The following ABCB5 variants were observed in gnomAD, a reference collection of about 807,000 sequenced individuals.
The protein encoded by ABCB5 is ATP binding cassette subfamily B member 5.
Under a neutral mutation model 144.2 loss-of-function variants are expected in ABCB5, and 155 were observed. The ratio of observed to expected loss-of-function variants is 1.08; its 90% CI spans 0.94 to 1.23. ABCB5 has a LOEUF of 1.23. Ranked by LOEUF, ABCB5 falls within the 50% of genes most tolerant of loss-of-function variation. The probability of loss-of-function intolerance (pLI) is 0.00; values close to 1 mark genes in which losing one functional copy is unlikely to be tolerated. For synonymous variants in ABCB5, 610 were observed against 528.6 expected, an observed-to-expected ratio of 1.15 and a Z score of -2.11; for missense variants, 1,830 against 1,520.8, an observed-to-expected ratio of 1.20 and a Z score of -3.38.
intron 13 of ABCB5, among the ~76,000 whole-genome samples, chr7:20,654,192 TTTTG>T (rs932185216): frequency 1.3e-5 from 2 of 152,284 alleles, no homozygotes; most frequent in East Asian, 1.9e-4. Flanking sequence ...TTTTTTTTGT[TTTTG>T]TTTTTGTTTT....
intron 23 of ABCB5, among the ~76,000 whole-genome samples, chr7:20,736,911 C>T (rs186490982): frequency 1.7e-4 from 26 of 152,200 alleles, no homozygotes; most frequent in Admixed American, 1.2e-3. Context: ...GTCCCTAGGC[C>T]GGGCGCAGTG....
chr7:20,736,365 G>C (rs1782379308), intron 23 of ABCB5, among the ~76,000 whole-genome samples: 1 of 152,038 alleles, frequency 6.6e-6, no homozygotes, highest in Non-Finnish European at 1.5e-5. Flanking sequence ...TTACAGGTGT[G>C]TGCCAACACA....
At chr7:20,632,302 G>C (rs186557689) in intron 5 of ABCB5, among the ~76,000 whole-genome samples, 189 bp downstream of exon 5, 1 of 151,984 alleles carries the variant, frequency 6.6e-6, no homozygotes, top group Non-Finnish European at 1.5e-5. Flanking sequence ...CTACTTGAAA[G>C]GTGTATAGGT....
At chr7:20,660,349 T>C in intron 14 of ABCB5, 2 of 985,496 alleles carry the variant, frequency 2.0e-6, no homozygotes, top group East Asian at 1.1e-4. Context: ...CTGTCCCTGT[T>C]TTTCAGTTGT....
chr7:20,753,120 G>A (rs1782983235), intron 26 of ABCB5, among the ~76,000 whole-genome samples: 2 of 152,124 alleles, frequency 1.3e-5, no homozygotes, highest in Non-Finnish European at 2.9e-5. Flanking sequence ...ATTTCTTTGT[G>A]GAAGCATAAT....
intron 24 of ABCB5, among the ~76,000 whole-genome samples, chr7:20,740,171 C>T (rs1278481015): frequency 6.6e-6 from 1 of 152,082 alleles, no homozygotes; most frequent in Admixed American, 6.5e-5. Flanking sequence ...ACCCGGGAGG[C>T]GGAGGTTGCA....
At chr7:20,656,148 C>A (rs1247258733) in intron 13 of ABCB5, among the ~76,000 whole-genome samples, 5 of 152,104 alleles carry the variant, frequency 3.3e-5, no homozygotes, top group African/African-American at 7.2e-5. Context: ...TTGCCATAGA[C>A]CTTGTACCAA....
intron 14 of ABCB5, chr7:20,659,293 T>C: frequency 6.9e-7 from 1 of 1,439,148 alleles, no homozygotes; most frequent in African/African-American, 1.4e-5. Flanking sequence ...CATTGAACAG[T>C]TTTCTCGATG....
intron 14 of ABCB5, among the ~76,000 whole-genome samples, chr7:20,671,145 G>A (rs1257654030): frequency 3.3e-5 from 5 of 151,966 alleles, no homozygotes; most frequent in African/African-American, 7.3e-5. Context: ...TAAAAATACC[G>A]AAATCTGCCT....
chr7:20,646,179 C>G, intron 9 of ABCB5, 41 bp downstream of exon 9: 1 of 1,551,228 alleles, frequency 6.4e-7, no homozygotes, highest in Non-Finnish European at 8.7e-7. Context: ...CCTGGATAAT[C>G]TTTCCTTACC....
chr7:20,618,069 T>C (rs1783725679), intron 1 of ABCB5, among the ~76,000 whole-genome samples: 1 of 152,238 alleles, frequency 6.6e-6, no homozygotes, highest in South Asian at 2.1e-4. Flanking sequence ...TCACATATCA[T>C]AGAATGTACC....
intron 21 of ABCB5, among the ~76,000 whole-genome samples, chr7:20,725,066 C>T (rs1781992895): frequency 6.6e-6 from 1 of 152,098 alleles, no homozygotes; most frequent in Non-Finnish European, 1.5e-5. Flanking sequence ...TGAGCTTTTG[C>T]TGTATATGTG....
chr7:20,627,804 A>G (rs76568631), intron 3 of ABCB5, among the ~76,000 whole-genome samples: 8,562 of 152,270 alleles, frequency 0.056, 343 homozygotes, highest in South Asian at 0.14. Context: ...GCACTTAGCC[A>G]TGACATTGCC....
intron 16 of ABCB5, among the ~76,000 whole-genome samples, chr7:20,695,800 T>C (rs115900368): frequency 0.015 from 2,271 of 151,730 alleles, 69 homozygotes; most frequent in African/African-American, 0.051. Flanking sequence ...ACATTGGAAA[T>C]AAGCACACAA....
chr7:20,726,353 GCTAT>G (rs1349729812), intron 21 of ABCB5, among the ~76,000 whole-genome samples: 1 of 113,280 alleles, frequency 8.8e-6, no homozygotes, highest in East Asian at 2.8e-4. Context: ...CTTTATCTCT[GCTAT>G]CTTTTTTTTT....
chr7:20,681,050 C>CTT (rs1785793559), intron 14 of ABCB5, among the ~76,000 whole-genome samples: 1 of 24,576 alleles, frequency 4.1e-5, no homozygotes, highest in African/African-American at 2.5e-4. Context: ...CTTTCTTTCT[C>CTT]TCTCTCTCTC....
intron 23 of ABCB5, among the ~76,000 whole-genome samples, chr7:20,731,226 C>T (rs1046695202): frequency 6.6e-6 from 1 of 151,332 alleles, no homozygotes; most frequent in Non-Finnish European, 1.5e-5. Flanking sequence ...TGGTGGTGGG[C>T]GCCTGTAATC....
At position 20,648,214 on chromosome 7, in the gene ABCB5, A is replaced by T. The variant is rs1013946644; in HGVS notation, c.1206+136A>T. 22 of 615,736 alleles carry T rather than the reference A, an allele frequency of 3.6e-5. No homozygotes were observed. In the African/African-American group the frequency reaches 4.1e-4, roughly 11 times the overall value. The allele number at this position is 615,736 out of a possible 1,614,324, so 38.1% of individuals were successfully genotyped here. A position where few individuals can be genotyped will look rare whatever the true frequency, so the allele number is the denominator to read the frequency against. On this transcript the variant is annotated intron_variant, in intron 11 of 27. Transcript: ENST00000404938. ...ACTTTGCTTAGAGACTTGAGGAGGTAGATAAATAATGGACAAATAACTCTG... is the reference window on the plus strand; with the variant it reads ...ACTTTGCTTAGAGACTTGAGGAGGTTGATAAATAATGGACAAATAACTCTG...
At chr7:20,697,410 A>G (rs1371228679) in intron 16 of ABCB5, among the ~76,000 whole-genome samples, 1 of 152,224 alleles carries the variant, frequency 6.6e-6, no homozygotes, top group Non-Finnish European at 1.5e-5. Flanking sequence ...AGTTTTAATG[A>G]ATGAAATACC....
Sources: allele counts gnomAD v4.1 joint callset (sites outside exome capture counted in the v4.1 genomes callset), GRCh38; gene constraint gnomAD v4.1.1; transcripts MANE v1.5; gene names NCBI Gene and HGNC (gene_info 2026-07-23, HGNC 2026-07-21).